PKD1L1: variants seen among roughly 807,000 people sequenced by gnomAD.
The protein encoded by PKD1L1 is polycystin 1 like 1, transient receptor potential channel interacting.
In PKD1L1, 236 loss-of-function variants were observed where a neutral mutation model predicts 323.4. The ratio of observed to expected loss-of-function variants is 0.73; its 90% CI spans 0.66 to 0.81. PKD1L1 has a LOEUF of 0.81. Ranked by LOEUF, PKD1L1 falls within the 40% of genes least tolerant of loss-of-function variation. The pLI, the probability that PKD1L1 is intolerant of heterozygous loss-of-function variation, is 0.00. For synonymous variants in PKD1L1, 1,344 were observed against 1,335.0 expected (o/e 1.01, Z -0.15); for missense variants, 3,320 against 3,508.0 (o/e 0.95, Z 1.35).
Position 47,880,675 on chromosome 7 carries a change from G to A in PKD1L1, c.3520+53C>T. 3 of 1,405,730 alleles carry A rather than the reference G, an allele frequency of 2.1e-6. No homozygotes were observed. The Admixed American group carries it at 5.4e-5, about 25-fold the overall frequency. 87.1% of individuals were successfully genotyped at this position (1,405,730 alleles called of 1,614,324 possible). The stretch of plus-strand genomic sequence containing the variant: ...TCCTTAGGAAGAGTAAACTCACAGA[G>A]ACGCAGCAGGACTCCTCATCCTCTG... On this transcript the variant is annotated intron_variant, in intron 21 of 56. Coordinates refer to ENST00000289672, the MANE Select transcript of PKD1L1 (RefSeq NM_138295.5).
chr7:47,860,940 A>C (rs1024071609), intron 26 of PKD1L1, among the ~76,000 whole-genome samples: 11 of 152,140 alleles, frequency 7.2e-5, no homozygotes, highest in Admixed American at 6.5e-4. Flanking sequence ...TGTGATGCTC[A>C]CCAGGGGAAG....
intron 54 of PKD1L1, among the ~76,000 whole-genome samples, chr7:47,796,652 G>C (rs1018095142): frequency 2.6e-5 from 4 of 152,074 alleles, no homozygotes; most frequent in Non-Finnish European, 5.9e-5. Flanking sequence ...AAAGCCTACT[G>C]GTAACAAACT....
chr7:47,886,911 T>G (rs569451501), intron 17 of PKD1L1, among the ~76,000 whole-genome samples: 1 of 152,172 alleles, frequency 6.6e-6, no homozygotes, highest in East Asian at 1.9e-4. Flanking sequence ...AAAGGATGAA[T>G]AGCAAAGAAA....
At chr7:47,798,484 G>A (rs1784590097) in intron 54 of PKD1L1, among the ~76,000 whole-genome samples, 1 of 152,214 alleles carries the variant, frequency 6.6e-6, no homozygotes, top group Non-Finnish European at 1.5e-5. Context: ...AAGGCCACGT[G>A]CAGTGGCTCA....
chr7:47,872,945 TATG>T (rs142826650), intron 24 of PKD1L1, among the ~76,000 whole-genome samples: 2,086 of 152,198 alleles, frequency 0.014, 36 homozygotes, highest in African/African-American at 0.047. Flanking sequence ...ATAAATAAAA[TATG>T]ATATGTTCAT....
At chr7:47,800,498 C>A in intron 54 of PKD1L1, 151 bp downstream of exon 54, 1 of 795,884 alleles carries the variant, frequency 1.3e-6, no homozygotes, top group Non-Finnish European at 2.0e-6. Context: ...GACCTGACCT[C>A]CCAGGGCAGG....
chr7:47,829,285 A>C (rs780026350), intron 44 of PKD1L1, 140 bp downstream of exon 44: 30 of 790,488 alleles, frequency 3.8e-5, no homozygotes, highest in Non-Finnish European at 5.4e-5. Context: ...TGTGCAAAGA[A>C]GCATAAGAAA....
chr7:47,957,871 A>ATATATATATATATATG, the PKD1L1 span, among the ~76,000 whole-genome samples: 41 of 148,108 alleles, frequency 2.8e-4, no homozygotes, highest in Non-Finnish European at 4.8e-4. Flanking sequence ...AAATATATAT[A>ATATATATATATATATG]TATATATCTA....
intron 7 of PKD1L1, among the ~76,000 whole-genome samples, chr7:47,923,483 G>A (rs1384695527): frequency 2.6e-5 from 4 of 151,824 alleles, no homozygotes; most frequent in Admixed American, 1.3e-4. Context: ...GATCACCACT[G>A]AAGAACTTAC....
chr7:47,811,453 C>A (rs1199983144), intron 50 of PKD1L1, among the ~76,000 whole-genome samples: 2 of 152,174 alleles, frequency 1.3e-5, no homozygotes, highest in Non-Finnish European at 2.9e-5. Flanking sequence ...CCGCGCCTGG[C>A]CATAAATGTC....
the PKD1L1 span, among the ~76,000 whole-genome samples, chr7:47,960,757 C>A: frequency 6.7e-6 from 1 of 150,260 alleles, no homozygotes. Flanking sequence ...AGCAAATGGC[C>A]AACAGGTATA....
chr7:47,837,221 T>A, intron 36 of PKD1L1, 127 bp from the exon 37 acceptor site: 2 of 1,071,042 alleles, frequency 1.9e-6, no homozygotes, highest in Non-Finnish European at 2.7e-6. Flanking sequence ...CCTAGCTGCT[T>A]AGCTGTGTAC....
In PKD1L1 at chr7:47,872,065, T is replaced by C. The variant is rs569118148; in HGVS notation, c.3896+1834A>G. ...AAAAAACTATTAATACTAACAAACA[T>C]GTTCAGCAGGGTTATAGGATACAAG... is the stretch of plus-strand genomic sequence containing the variant. On this transcript the variant is annotated intron_variant, in intron 24 of 56. Coordinates refer to ENST00000289672, the MANE Select transcript of PKD1L1 (RefSeq NM_138295.5). 4.6e-5 allele frequency among the ~76,000 whole-genome samples: 7 copies of C among 152,298 alleles called. No individual in the cohort carries two copies. In the East Asian group the frequency reaches 1.3e-3, roughly 29 times the overall value.
At chr7:47,934,645 G>A (rs959945587) in intron 4 of PKD1L1, among the ~76,000 whole-genome samples, 6 of 152,088 alleles carry the variant, frequency 3.9e-5, no homozygotes, top group South Asian at 2.1e-4. Context: ...AAGGGCACCC[G>A]TGTCTGTCCA....
intron 56 of PKD1L1, among the ~76,000 whole-genome samples, chr7:47,790,844 C>T (rs1045380496): frequency 2.6e-5 from 4 of 151,834 alleles, no homozygotes; most frequent in African/African-American, 9.7e-5. Flanking sequence ...GCAGCTTCTA[C>T]CTCCTGGACC....
chr7:47,806,373 G>C (rs2128727747), intron 52 of PKD1L1, among the ~76,000 whole-genome samples: 1 of 152,234 alleles, frequency 6.6e-6, no homozygotes, highest in East Asian at 1.9e-4. Context: ...ACAGGCAAGG[G>C]AGTGTCAGGC....
rs1369340185 is a variant in PKD1L1 at position 47,931,931 on chromosome 7, C to T, written c.519+5G>A. The T allele has an allele frequency of 4.3e-6, 7 of 1,609,722 alleles. No individual in the cohort carries two copies. The highest frequency in any genetic ancestry group is 5.9e-6 in the Non-Finnish European group (7 of 1,177,642). ...GAAATTCAATTGCAGGGGTTAGATA[C>T]CAACCTGGAGAAGAGCAGAGAATGT... On this transcript the variant is annotated splice_donor_5th_base_variant and intron_variant, in intron 5 of 56. Coordinates refer to ENST00000289672, the MANE Select transcript of PKD1L1 (RefSeq NM_138295.5).
chr7:47,928,770 G>A (rs1787702260), intron 7 of PKD1L1, among the ~76,000 whole-genome samples: 1 of 152,092 alleles, frequency 6.6e-6, no homozygotes, highest in Admixed American at 6.5e-5. Context: ...ACAAAATGTT[G>A]GAAATTTTAG....
intron 7 of PKD1L1, among the ~76,000 whole-genome samples, chr7:47,920,552 A>G (rs927091602): frequency 2.6e-5 from 4 of 152,212 alleles, no homozygotes; most frequent in Non-Finnish European, 4.4e-5. Context: ...TCTAAAATTC[A>G]TATGGAACCA....
Sources: allele counts gnomAD v4.1 joint callset (sites outside exome capture counted in the v4.1 genomes callset), GRCh38; gene constraint gnomAD v4.1.1; transcripts MANE v1.5; gene names NCBI Gene and HGNC (gene_info 2026-07-23, HGNC 2026-07-21).